The following HIVEP3 variants were observed in gnomAD, a reference collection of about 807,000 sequenced individuals.
HIVEP3 encodes HIVEP zinc finger 3.
A neutral mutation model predicts 152.8 loss-of-function variants in HIVEP3; 49 were observed. The ratio of observed to expected loss-of-function variants is 0.32; its 90% CI spans 0.26 to 0.41. The LOEUF is 0.41. Among genes scored for constraint, HIVEP3 ranks in the 10% least tolerant of loss-of-function variants. The pLI is 1.00. For missense variants in HIVEP3, 2,790 were observed against 3,103.3 expected (o/e 0.90, Z 2.40); for synonymous variants, 1,269 against 1,289.0 (o/e 0.98, Z 0.33).
chr1:41,547,389 G>T (rs1643828576), intron 5 of HIVEP3, among the ~76,000 whole-genome samples: 1 of 152,188 alleles, frequency 6.6e-6, no homozygotes, highest in African/African-American at 2.4e-5. Flanking sequence ...GCAGTGGCAG[G>T]GTTGGGGAGG....
intron 5 of HIVEP3, among the ~76,000 whole-genome samples, chr1:41,546,906 G>T (rs1643816085): frequency 6.6e-6 from 1 of 152,228 alleles, no homozygotes. Flanking sequence ...GCAGCCCTGT[G>T]ACTAGAATCA....
Position 41,513,175 on chromosome 1 carries a change from C to T in HIVEP3, c.6046G>A (p.Asp2016Asn), listed in dbSNP as rs1642490223. 6.2e-7 allele frequency: 1 copy of T among 1,613,786 alleles called. No individual in the cohort carries two copies. Among genetic ancestry groups the T allele is most frequent in the South Asian group, 1.1e-5 (1 of 91,086 alleles). Reference protein sequence around the residue: ...SAPSPPGLHVDPGRGMGALPC... With the variant: ...SAPSPPGLHVNPGRGMGALPC... ...AGAGCGCCCATGCCCCTTCCTGGGTCCACGTGCAGGCCAGGTGGGCTTGGG... is the reference window on the plus strand; with the variant it reads ...AGAGCGCCCATGCCCCTTCCTGGGTTCACGTGCAGGCCAGGTGGGCTTGGG... Residue 2016 changes from aspartate (D) to asparagine (N), a missense_variant, in exon 8 of 9, where the codon GAC becomes AAC. Physicochemically the swap from Asp to Asn is conservative, Grantham distance 23. Transcript: ENST00000372583.
At chr1:41,896,446 C>T (rs1644528369) in intron 1 of HIVEP3, among the ~76,000 whole-genome samples, 2 of 152,174 alleles carry the variant, frequency 1.3e-5, no homozygotes, top group Non-Finnish European at 2.9e-5. Flanking sequence ...GCATTAGGTG[C>T]CCGGCCCACT....
chr1:41,859,954 A>C (rs1643867117), intron 1 of HIVEP3, among the ~76,000 whole-genome samples: 1 of 152,198 alleles, frequency 6.6e-6, no homozygotes, highest in African/African-American at 2.4e-5. Flanking sequence ...CCCATCAGGG[A>C]ACTGGGCATC....
At chr1:41,677,774 C>T (rs1016709346) in intron 2 of HIVEP3, among the ~76,000 whole-genome samples, 6 of 152,214 alleles carry the variant, frequency 3.9e-5, no homozygotes, top group Non-Finnish European at 5.9e-5. Context: ...TCTGCTTCCC[C>T]GCACATCGGG....
chr1:41,532,776 C>T (rs2149063826), intron 5 of HIVEP3, among the ~76,000 whole-genome samples: 1 of 152,190 alleles, frequency 6.6e-6, no homozygotes, highest in South Asian at 2.1e-4. Flanking sequence ...GTATGAGATG[C>T]CCATGAGGAA....
At chr1:41,770,782 C>T (rs1570499507) in intron 1 of HIVEP3, among the ~76,000 whole-genome samples, 1 of 152,114 alleles carries the variant, frequency 6.6e-6, no homozygotes, top group African/African-American at 2.4e-5. Context: ...GTATGACCCC[C>T]ACCCCCAAAT....
chr1:41,835,339 A>T (rs568421012), intron 1 of HIVEP3, among the ~76,000 whole-genome samples: 1 of 152,302 alleles, frequency 6.6e-6, no homozygotes, highest in African/African-American at 2.4e-5. Flanking sequence ...TGGCTTGCAG[A>T]CAGCCACCTC....
At chr1:41,950,367 C>G (rs904099247) in intron 1 of HIVEP3, among the ~76,000 whole-genome samples, 5 of 152,180 alleles carry the variant, frequency 3.3e-5, no homozygotes, top group African/African-American at 4.8e-5. Context: ...TCTCCTCCCC[C>G]ACCAGCCCCA....
intron 1 of HIVEP3, among the ~76,000 whole-genome samples, chr1:41,985,348 G>A (rs554527827): frequency 3.2e-4 from 48 of 152,296 alleles, no homozygotes; most frequent in African/African-American, 1.1e-3. Context: ...CCAGAGACTG[G>A]GTGGCTTATA....
chr1:41,958,796 G>C (rs1422315478), intron 1 of HIVEP3, among the ~76,000 whole-genome samples: 4 of 152,238 alleles, frequency 2.6e-5, no homozygotes, highest in Non-Finnish European at 4.4e-5. Context: ...GGTAAAGACA[G>C]ATGTATACAG....
At chr1:41,675,332 C>G (rs1189610601) in intron 2 of HIVEP3, among the ~76,000 whole-genome samples, 1 of 152,074 alleles carries the variant, frequency 6.6e-6, no homozygotes, top group Non-Finnish European at 1.5e-5. Flanking sequence ...TGTGTCTGTG[C>G]CTGGGACACT....
chr1:41,709,057 T>C (rs1157373756), intron 1 of HIVEP3, among the ~76,000 whole-genome samples: 3 of 152,176 alleles, frequency 2.0e-5, no homozygotes, highest in African/African-American at 7.2e-5. Context: ...GGGGAAGATG[T>C]TCCTCTTCTG....
chr1:41,604,933 A>G (rs945348487), intron 3 of HIVEP3, among the ~76,000 whole-genome samples: 1 of 151,782 alleles, frequency 6.6e-6, no homozygotes, highest in African/African-American at 2.4e-5. Context: ...GGGAGACCTC[A>G]TCTCTACAAA....
At chr1:42,020,056 C>T (rs762130178) in intron 1 of HIVEP3, among the ~76,000 whole-genome samples, 14 of 152,016 alleles carry the variant, frequency 9.2e-5, no homozygotes, top group Non-Finnish European at 1.8e-4. Flanking sequence ...GTTTATCCCA[C>T]TTGGTTATAA....
chr1:41,680,912 TTACTGAG>T (rs1414398603), intron 2 of HIVEP3, among the ~76,000 whole-genome samples: 1 of 152,252 alleles, frequency 6.6e-6, no homozygotes, highest in Non-Finnish European at 1.5e-5. Flanking sequence ...CAGCTACCAC[TTACTGAG>T]TACTTGCTAT....
At position 41,624,267 on chromosome 1, in the gene HIVEP3, C is replaced by T. The variant is rs1379438020; in HGVS notation, c.-522+4482G>A. 2.0e-5 allele frequency among the ~76,000 whole-genome samples: 3 copies of T among 152,166 alleles called. No individual in the cohort carries two copies. The East Asian group carries it at 5.8e-4, about 29-fold the overall frequency. The stretch of plus-strand genomic sequence containing the variant: ...CCAATATTTGCTGAAGGGGTAGTCT[C>T]CAAATTGTGTTCCATGAAAGTGTTT... On this transcript the variant is annotated intron_variant, in intron 3 of 8. Transcript: ENST00000372583.
At chr1:41,806,152 T>A (rs1314165760) in intron 1 of HIVEP3, among the ~76,000 whole-genome samples, 2 of 152,138 alleles carry the variant, frequency 1.3e-5, no homozygotes, top group Non-Finnish European at 2.9e-5. Flanking sequence ...GGGACTCCCC[T>A]CTGCTCTCCA....
At chr1:41,976,178 C>T (rs561157397) in intron 1 of HIVEP3, among the ~76,000 whole-genome samples, 4 of 152,352 alleles carry the variant, frequency 2.6e-5, no homozygotes, top group African/African-American at 9.6e-5. Flanking sequence ...CCACGTGTGA[C>T]TTGAAAGTTT....
Sources: allele counts gnomAD v4.1 joint callset (sites outside exome capture counted in the v4.1 genomes callset), GRCh38; gene constraint gnomAD v4.1.1; transcripts MANE v1.5; gene names NCBI Gene and HGNC (gene_info 2026-07-23, HGNC 2026-07-21).